ROBO2: variants seen among roughly 807,000 people sequenced by gnomAD.
ROBO2 encodes the protein roundabout homolog 2.
In ROBO2, 53 loss-of-function variants were observed where a neutral mutation model predicts 160.8. The observed-to-expected ratio is 0.33, with a 90% CI of 0.26 to 0.41. The LOEUF is 0.41. Ranked by LOEUF, ROBO2 falls within the 10% of genes least tolerant of loss-of-function variation. The pLI is 1.00. For synonymous variants in ROBO2, 664 were observed against 611.7 expected, an observed-to-expected ratio of 1.09 and a Z score of -1.26; for missense variants, 1,577 against 1,722.4, an observed-to-expected ratio of 0.92 and a Z score of 1.49.
At chr3:77,432,453 C>A (rs1174723037) in intron 2 of ROBO2, among the ~76,000 whole-genome samples, 1 of 152,128 alleles carries the variant, frequency 6.6e-6, no homozygotes, top group Admixed American at 6.5e-5. Flanking sequence ...TCTACAAAAT[C>A]TGATTTAGCA....
chr3:76,120,663 G>A (rs2070713010), intron 2 of ROBO2, among the ~76,000 whole-genome samples: 1 of 152,140 alleles, frequency 6.6e-6, no homozygotes. Context: ...CATATAGAAA[G>A]TACTCCTTAT....
chr3:76,842,978 A>G (rs6779682), intron 2 of ROBO2, among the ~76,000 whole-genome samples: 139,784 of 152,044 alleles, frequency 0.92, 64,440 homozygotes, highest in African/African-American at 0.98. Flanking sequence ...CAAATCTGAT[A>G]CTCATGCCAC....
intron 2 of ROBO2, among the ~76,000 whole-genome samples, chr3:76,308,376 C>CAAAAAAAAAAAAAA (rs71277580): frequency 8.2e-5 from 7 of 85,436 alleles, no homozygotes; most frequent in Non-Finnish European, 1.1e-4. Flanking sequence ...GACTCTGTCT[C>CAAAAAAAAAAAAAA]AAAAAAAAAA....
chr3:76,766,632 C>G (rs80343150), intron 2 of ROBO2, among the ~76,000 whole-genome samples: 7,290 of 151,652 alleles, frequency 0.048, 312 homozygotes, highest in East Asian at 0.2. Flanking sequence ...GGACAATGTG[C>G]TGTCCCAAAC....
intron 2 of ROBO2, among the ~76,000 whole-genome samples, chr3:76,989,307 A>G (rs1261922617): frequency 3.3e-5 from 5 of 152,184 alleles, no homozygotes; most frequent in African/African-American, 9.6e-5. Context: ...GAAAAGCTAC[A>G]TAAACTGATG....
At chr3:76,567,640 TATATATATATATACAC>T (rs1309647183) in intron 2 of ROBO2, among the ~76,000 whole-genome samples, 1 of 93,338 alleles carries the variant, frequency 1.1e-5, no homozygotes, top group Non-Finnish European at 2.2e-5. Context: ...TATATATATA[TATATATATATATACAC>T]ATACACATAT....
At chr3:77,048,739 C>G in intron 1 of ROBO2, among the ~76,000 whole-genome samples, 1 of 152,118 alleles carries the variant, frequency 6.6e-6, no homozygotes, top group East Asian at 1.9e-4. Context: ...TTATAATTAT[C>G]CATTAGTTAC....
intron 2 of ROBO2, among the ~76,000 whole-genome samples, chr3:76,997,709 A>G (rs1472166123): frequency 1.3e-5 from 2 of 152,196 alleles, no homozygotes; most frequent in Non-Finnish European, 2.9e-5. Context: ...TACATAATGT[A>G]TCCTCACTGG....
intron 9 of ROBO2, among the ~76,000 whole-genome samples, chr3:77,559,162 G>T (rs1436183937): frequency 6.6e-6 from 1 of 152,042 alleles, no homozygotes; most frequent in Non-Finnish European, 1.5e-5. Flanking sequence ...GAGTCTCCTA[G>T]TAAGATGGGC....
intron 2 of ROBO2, among the ~76,000 whole-genome samples, chr3:76,827,717 A>T (rs2066710666): frequency 1.3e-5 from 2 of 152,100 alleles, no homozygotes; most frequent in Non-Finnish European, 2.9e-5. Context: ...AAATTTCTTT[A>T]TTGCATTATT....
intron 2 of ROBO2, among the ~76,000 whole-genome samples, chr3:76,026,601 G>C (rs2066754972): frequency 6.6e-6 from 1 of 151,806 alleles, no homozygotes. Context: ...CATGCAATAT[G>C]GTATGTACTA....
chr3:76,508,147 G>A (rs2080893446), intron 2 of ROBO2, among the ~76,000 whole-genome samples: 1 of 152,062 alleles, frequency 6.6e-6, no homozygotes, highest in Admixed American at 6.6e-5. Context: ...ATAAATACAT[G>A]TACACAAACT....
intron 2 of ROBO2, among the ~76,000 whole-genome samples, chr3:76,863,384 G>A (rs1349528554): frequency 1.3e-5 from 2 of 150,570 alleles, no homozygotes; most frequent in African/African-American, 4.9e-5. Flanking sequence ...GCTACAGTGA[G>A]CTGTGATTAC....
At chr3:76,653,821 A>G (rs2091363862) in intron 2 of ROBO2, among the ~76,000 whole-genome samples, 1 of 152,218 alleles carries the variant, frequency 6.6e-6, no homozygotes, top group Non-Finnish European at 1.5e-5. Context: ...GGACATTACC[A>G]TGGCAACACA....
At chr3:76,385,681 AT>A (rs1278059029) in intron 2 of ROBO2, among the ~76,000 whole-genome samples, 2 of 151,966 alleles carry the variant, frequency 1.3e-5, no homozygotes, top group Non-Finnish European at 2.9e-5. Context: ...TCTAATATTC[AT>A]TTTTTTCATA....
intron 2 of ROBO2, among the ~76,000 whole-genome samples, chr3:76,877,857 CAG>C (rs972023333): frequency 6.6e-6 from 1 of 151,468 alleles, no homozygotes; most frequent in Non-Finnish European, 1.5e-5. Flanking sequence ...TTCCTAAGTG[CAG>C]AGAGAGAGAG....
intron 2 of ROBO2, among the ~76,000 whole-genome samples, chr3:76,370,913 GTCT>G (rs539407006): frequency 3.2e-4 from 49 of 151,936 alleles, no homozygotes; most frequent in African/African-American, 1.0e-3. Flanking sequence ...TCCTTCCCAA[GTCT>G]TCTTTCTGCT....
chr3:77,544,560 T>C (rs1388062016), intron 6 of ROBO2, among the ~76,000 whole-genome samples: 1 of 152,070 alleles, frequency 6.6e-6, no homozygotes, highest in East Asian at 1.9e-4. Flanking sequence ...TCTGGAAAAA[T>C]GCTGCTGCTT....
intron 5 of ROBO2, among the ~76,000 whole-genome samples, chr3:77,508,531 G>A (rs925730400): frequency 2.1e-4 from 32 of 150,754 alleles, no homozygotes; most frequent in African/African-American, 7.0e-4. Context: ...GTGAAAACTA[G>A]AATGACTGTA....
Sources: allele counts gnomAD v4.1 joint callset (sites outside exome capture counted in the v4.1 genomes callset), GRCh38; gene constraint gnomAD v4.1.1; transcripts MANE v1.5; gene names NCBI Gene and HGNC (gene_info 2026-07-23, HGNC 2026-07-21).